Variants in ERBIN observed in about 807,000 individuals in gnomAD.
The protein encoded by ERBIN is densin-180-like protein.
A neutral mutation model predicts 158.4 loss-of-function variants in ERBIN; 60 were observed. The observed-to-expected ratio is 0.38, with a 90% CI of 0.31 to 0.47. The LOEUF (loss-of-function observed/expected upper bound fraction) is 0.47. Among genes scored for constraint, ERBIN ranks in the 20% least tolerant of loss-of-function variants. The pLI, the probability that ERBIN is intolerant of heterozygous loss-of-function variation, is 0.99. For synonymous variants in ERBIN, 594 were observed against 557.2 expected, an observed-to-expected ratio of 1.07 and a Z score of -0.93; for missense variants, 1,610 against 1,648.0, an observed-to-expected ratio of 0.98 and a Z score of 0.40.
At chr5:65,955,147 A>G (rs1746947241) in intron 1 of ERBIN, among the ~76,000 whole-genome samples, 1 of 152,172 alleles carries the variant, frequency 6.6e-6, no homozygotes, top group Admixed American at 6.5e-5. Flanking sequence ...AAGTCTTAAA[A>G]TGGTTCGGAT....
chr5:65,965,379 G>GTTTTTTTTTTT (rs1561304820), intron 1 of ERBIN, among the ~76,000 whole-genome samples: 11 of 103,654 alleles, frequency 1.1e-4, no homozygotes, highest in Admixed American at 6.1e-4. Context: ...TTTGTTTTTT[G>GTTTTTTTTTTT]TTGTTTTTTT....
chr5:65,991,533 G>A (rs1029702071), intron 2 of ERBIN, among the ~76,000 whole-genome samples: 2 of 152,034 alleles, frequency 1.3e-5, no homozygotes, highest in Admixed American at 1.3e-4. Context: ...GTATTTGTGT[G>A]GTGTTTGATT....
intron 20 of ERBIN, among the ~76,000 whole-genome samples, chr5:66,052,773 T>A (rs922523493): frequency 1.4e-4 from 22 of 152,302 alleles, no homozygotes; most frequent in African/African-American, 5.1e-4. Context: ...TTAAAAGTAT[T>A]TACCAAATAC....
intron 18 of ERBIN, 82 bp downstream of exon 18, chr5:66,046,620 T>G (rs561046053): frequency 8.7e-7 from 1 of 1,154,380 alleles, no homozygotes; most frequent in African/African-American, 1.5e-5. Flanking sequence ...GACCTGATAC[T>G]GATTGTAGAA....
intron 1 of ERBIN, among the ~76,000 whole-genome samples, chr5:65,933,835 G>A (rs1261762883): frequency 6.6e-6 from 1 of 152,102 alleles, no homozygotes; most frequent in African/African-American, 2.4e-5. Flanking sequence ...ATATGGAAAA[G>A]TTTGAACATT....
intron 1 of ERBIN, among the ~76,000 whole-genome samples, chr5:65,970,935 A>T (rs1327895079): frequency 6.6e-6 from 1 of 152,088 alleles, no homozygotes; most frequent in South Asian, 2.1e-4. Flanking sequence ...TTATCTTTGT[A>T]TCTTTAGTGT....
At position 66,024,397 on chromosome 5, in the gene ERBIN, T is replaced by C; in HGVS notation, c.764T>C (p.Leu255Pro). The change falls in exon 10 of 26, where the codon CTT becomes CCT. Residue 255 changes from leucine to proline, a missense_variant. Physicochemically the swap from Leu to Pro is moderately conservative, Grantham distance 98. Around this residue, in one of 2 missense-constraint regions of ERBIN, gnomAD observed 596 missense variants for 711.9 expected, o/e 0.84. Transcript: ENST00000284037. The stretch of plus-strand genomic sequence containing the variant: ...GAAGGAATTTCAACATGTGAAAACC[T>C]TCAAGACCTCCTATTATCAAGCAAT... ...VEEGISTCEN[L>P]QDLLLSSNSL... is the part of the protein sequence containing the mutation. 1.2e-6 allele frequency: 2 copies of C among 1,607,920 alleles called. No homozygotes were observed. Among genetic ancestry groups the C allele is most frequent in the Non-Finnish European group, 8.5e-7 (1 of 1,178,238 alleles).
intron 21 of ERBIN, among the ~76,000 whole-genome samples, chr5:66,057,427 A>AT (rs1170644470): frequency 3.3e-5 from 5 of 152,118 alleles, no homozygotes; most frequent in South Asian, 2.1e-4. Context: ...GATTAAAGTT[A>AT]TTTTTTTAAA....
chr5:65,979,105 C>T (rs1248082710), intron 1 of ERBIN, among the ~76,000 whole-genome samples: 1 of 152,056 alleles, frequency 6.6e-6, no homozygotes, highest in African/African-American at 2.4e-5. Flanking sequence ...AGTAGAAGGA[C>T]CTTGCACTCC....
intron 1 of ERBIN, among the ~76,000 whole-genome samples, chr5:65,961,701 T>A (rs1324510599): frequency 6.6e-6 from 1 of 152,200 alleles, no homozygotes; most frequent in Non-Finnish European, 1.5e-5. Flanking sequence ...TAAGTATGAC[T>A]ATTGATGACT....
intron 15 of ERBIN, among the ~76,000 whole-genome samples, chr5:66,040,866 A>G (rs1757860529): frequency 1.3e-5 from 2 of 148,806 alleles, no homozygotes; most frequent in Admixed American, 1.3e-4. Context: ...GAGGAAAAAA[A>G]GAAAGATTCT....
At chr5:66,048,559 A>C in intron 18 of ERBIN, 108 bp from the exon 19 acceptor site, 1 of 673,532 alleles carries the variant, frequency 1.5e-6, no homozygotes, top group Non-Finnish European at 2.6e-6. Flanking sequence ...AAAAGGTTTA[A>C]TATGTGTTTA....
intron 21 of ERBIN, among the ~76,000 whole-genome samples, chr5:66,060,356 G>A (rs530424103): frequency 6.6e-6 from 1 of 152,288 alleles, no homozygotes; most frequent in East Asian, 1.9e-4. Context: ...TCTGATGGTA[G>A]TTTGTATTTC....
chr5:66,044,057 A>T (rs1352832612), intron 16 of ERBIN, 80 bp from the exon 17 acceptor site: 1 of 1,039,444 alleles, frequency 9.6e-7, no homozygotes, highest in Non-Finnish European at 1.3e-6. Flanking sequence ...TGTAATTCAG[A>T]TGGGTTACAG....
intron 1 of ERBIN, among the ~76,000 whole-genome samples, chr5:65,927,885 T>C (rs1193862157): frequency 6.6e-6 from 1 of 152,202 alleles, no homozygotes; most frequent in African/African-American, 2.4e-5. Flanking sequence ...AGTGGTGTTT[T>C]AGTCTTTTTC....
chr5:65,985,305 C>T (rs1347597449), intron 1 of ERBIN, among the ~76,000 whole-genome samples: 3 of 152,138 alleles, frequency 2.0e-5, no homozygotes, highest in South Asian at 2.1e-4. Flanking sequence ...GTTGGCCAGG[C>T]GGTCTTAATC....
intron 1 of ERBIN, among the ~76,000 whole-genome samples, chr5:65,953,005 C>T (rs746662020): frequency 1.1e-4 from 17 of 152,130 alleles, no homozygotes; most frequent in Non-Finnish European, 2.1e-4. Context: ...CATAATAAGA[C>T]CCTGGGAGGC....
chr5:65,957,228 TA>T (rs1351227760), intron 1 of ERBIN, among the ~76,000 whole-genome samples: 9 of 144,286 alleles, frequency 6.2e-5, no homozygotes, highest in Middle Eastern at 3.2e-3. Flanking sequence ...TATTTTATTT[TA>T]TTTTTTTTAT....
rs1324417147 is a variant in ERBIN, at chr5:66,054,476, A to G, written c.3158A>G (p.His1053Arg). 8.1e-6 allele frequency: 13 copies of G among 1,614,066 alleles called. No individual in the cohort carries two copies. The highest frequency in any genetic ancestry group is 1.0e-5 in the Non-Finnish European group (12 of 1,180,020). ...HLHQRLGPAR[H>R]GEMWAISPND... ...CATCAGAGACTTGGCCCAGCAAGAC[A>G]TGGGGAAATGTGGGCCATCTCACCA... Residue 1053 changes from histidine (H) to arginine (R), a missense_variant, in exon 21 of 26, where the codon CAT becomes CGT. By Grantham distance (29) the His-to-Arg change is conservative (BLOSUM62 0). Coordinates refer to ENST00000284037, the MANE Select transcript of ERBIN (RefSeq NM_001253697.2).
Sources: gnomAD v4.1 joint callset for allele counts (sites outside exome capture counted in the v4.1 genomes callset) on GRCh38, gnomAD v4.1.1 for gene constraint, gnomAD v4.1.1 regional missense constraint, MANE v1.5 for transcripts, NCBI Gene and HGNC (gene_info 2026-07-23, HGNC 2026-07-21) for gene names.